ADARB2: variants seen among roughly 807,000 people sequenced by gnomAD.
The protein encoded by ADARB2 is inactive double-stranded RNA-specific editase B2.
In ADARB2, 25 loss-of-function variants were observed where a neutral mutation model predicts 62.2. That is an observed-to-expected ratio of 0.40 (90% CI 0.29 to 0.56). ADARB2 has a LOEUF of 0.56. Ranked by LOEUF, ADARB2 falls within the 20% of genes least tolerant of loss-of-function variation. The probability of loss-of-function intolerance (pLI) is 0.43; values close to 1 mark genes in which losing one functional copy is unlikely to be tolerated. For missense variants in ADARB2, 1,071 were observed against 1,077.4 expected, an observed-to-expected ratio of 0.99 and a Z score of 0.08; for synonymous variants, 572 against 500.8, an observed-to-expected ratio of 1.14 and a Z score of -1.90.
chr10:1,327,864 GCC>G (rs1831888292), intron 3 of ADARB2, among the ~76,000 whole-genome samples: 1 of 83,438 alleles, frequency 1.2e-5, no homozygotes, highest in African/African-American at 5.7e-5. Flanking sequence ...ACAGCTCAGC[GCC>G]TCCTCACAGC....
chr10:1,552,131 G>A (rs1299874876), intron 1 of ADARB2, among the ~76,000 whole-genome samples: 2 of 152,186 alleles, frequency 1.3e-5, no homozygotes, highest in Non-Finnish European at 2.9e-5. Flanking sequence ...GGGGTTAAAG[G>A]CTGCTCCTGG....
intron 3 of ADARB2, among the ~76,000 whole-genome samples, chr10:1,347,642 C>T (rs926191456): frequency 3.9e-5 from 6 of 152,160 alleles, no homozygotes; most frequent in African/African-American, 4.8e-5. Flanking sequence ...TCACGCCCAT[C>T]GGCTACGAGA....
At chr10:1,403,002 C>T (rs1013771916) in intron 1 of ADARB2, among the ~76,000 whole-genome samples, 3 of 152,076 alleles carry the variant, frequency 2.0e-5, no homozygotes, top group Admixed American at 2.0e-4. Flanking sequence ...CAGCTCAGGG[C>T]GGCGGAAGTC....
In ADARB2 at chr10:1,190,119, CTGAGAAATTGCA is replaced by C. The variant is rs1402135764; in HGVS notation, c.1865-5092_1865-5081del. Reference sequence around the variant, plus strand: ...GAGCTCCAAGGAGAAATGCGTCCTCCTGAGAAATTGCACGCAGGAGTCTGAACTCAGAAAACA... The same window carrying C: ...GAGCTCCAAGGAGAAATGCGTCCTCCCGCAGGAGTCTGAACTCAGAAAACA... On this transcript the variant is annotated intron_variant, in intron 8 of 9. Coordinates refer to ENST00000381312, the MANE Select transcript of ADARB2 (RefSeq NM_018702.4). Among the ~76,000 whole-genome samples, 299 of 152,180 alleles carry C rather than the reference CTGAGAAATTGCA, an allele frequency of 2.0e-3. 2 individuals are homozygous for C. Among genetic ancestry groups the C allele is most frequent in the African/African-American group, 6.5e-3 (269 of 41,418 alleles).
At chr10:1,519,999 C>T (rs371447064) in intron 1 of ADARB2, among the ~76,000 whole-genome samples, 28 of 152,216 alleles carry the variant, frequency 1.8e-4, no homozygotes, top group African/African-American at 6.8e-4. Context: ...CCCTTGCTGT[C>T]CCTACCTGGG....
intron 3 of ADARB2, among the ~76,000 whole-genome samples, chr10:1,358,192 C>T (rs1832215268): frequency 6.6e-6 from 1 of 152,210 alleles, no homozygotes; most frequent in South Asian, 2.1e-4. Context: ...GATTTTTCTG[C>T]AAGGATTCAG....
intron 4 of ADARB2, 106 bp downstream of exon 4, chr10:1,270,849 C>A: frequency 1.1e-6 from 1 of 944,880 alleles, no homozygotes; most frequent in Non-Finnish European, 1.6e-6. Flanking sequence ...TTCTTTGTCA[C>A]AGCCTGTTGT....
At chr10:1,261,410 A>C (rs1052268092) in intron 4 of ADARB2, among the ~76,000 whole-genome samples, 1 of 148,524 alleles carries the variant, frequency 6.7e-6, no homozygotes, top group Non-Finnish European at 1.5e-5. Flanking sequence ...CTCATCTGAC[A>C]AAGGGCTAAT....
chr10:1,425,773 A>C (rs767887332), intron 1 of ADARB2, among the ~76,000 whole-genome samples: 2 of 152,216 alleles, frequency 1.3e-5, no homozygotes, highest in Non-Finnish European at 2.9e-5. Context: ...CCTGAACTGC[A>C]TGATGGAGAT....
intron 1 of ADARB2, among the ~76,000 whole-genome samples, chr10:1,631,369 G>T (rs1359692852): frequency 6.6e-6 from 1 of 152,096 alleles, no homozygotes; most frequent in Admixed American, 6.5e-5. Context: ...CCTGACAAAG[G>T]CTGCCTCGGG....
chr10:1,648,183 A>T (rs1238976892), intron 1 of ADARB2, among the ~76,000 whole-genome samples: 1 of 152,222 alleles, frequency 6.6e-6, no homozygotes, highest in African/African-American at 2.4e-5. Context: ...GAACTTCTGC[A>T]GGTGATTACA....
intron 1 of ADARB2, among the ~76,000 whole-genome samples, chr10:1,530,402 C>T (rs373569540): frequency 1.3e-5 from 2 of 152,206 alleles, no homozygotes; most frequent in South Asian, 2.1e-4. Context: ...ACCCAGCACC[C>T]GGGCCACAGT....
In ADARB2 at chr10:1,737,492, C is replaced by A. The variant is rs1322633040; in HGVS notation, c.-342G>T. On this transcript the variant is annotated 5_prime_UTR_variant, in exon 1 of 10. Coordinates refer to ENST00000381312, the MANE Select transcript of ADARB2 (RefSeq NM_018702.4). The stretch of plus-strand genomic sequence containing the variant: ...TCCCAGCGCAGGGAGGCTACTTTTG[C>A]GCCTCTGCTAGTTGTTTGGCACCAG... 6.7e-6 allele frequency: 2 copies of A among 297,428 alleles called. No homozygotes were observed. The highest frequency in any genetic ancestry group is 1.3e-5 in the Non-Finnish European group (2 of 157,994). 18.4% of individuals were successfully genotyped at this position (297,428 alleles called of 1,614,324 possible).
intron 4 of ADARB2, among the ~76,000 whole-genome samples, chr10:1,254,362 A>G (rs1015477410): frequency 2.6e-5 from 4 of 152,236 alleles, no homozygotes; most frequent in African/African-American, 9.6e-5. Flanking sequence ...TGATGGGTAG[A>G]AGCCTTGCTC....
At chr10:1,440,153 G>T (rs1830887105) in intron 1 of ADARB2, among the ~76,000 whole-genome samples, 1 of 151,968 alleles carries the variant, frequency 6.6e-6, no homozygotes. Context: ...GACAGAGGCA[G>T]GTCCTTCACT....
intron 1 of ADARB2, among the ~76,000 whole-genome samples, chr10:1,525,817 G>A (rs111917393): frequency 7.9e-5 from 12 of 152,222 alleles, no homozygotes; most frequent in African/African-American, 2.2e-4. Flanking sequence ...GAGCATGTAC[G>A]TGTGTGCGCA....
chr10:1,710,185 C>T (rs1257700921), intron 1 of ADARB2, among the ~76,000 whole-genome samples: 1 of 152,098 alleles, frequency 6.6e-6, no homozygotes, highest in Non-Finnish European at 1.5e-5. Context: ...TCTCACAGGC[C>T]AGCAGTAGCT....
chr10:1,329,190 C>T (rs910348239), intron 3 of ADARB2, among the ~76,000 whole-genome samples: 9 of 152,136 alleles, frequency 5.9e-5, no homozygotes, highest in Non-Finnish European at 1.0e-4. Context: ...CGACAGAGAG[C>T]ATCTCGGCAG....
intron 3 of ADARB2, among the ~76,000 whole-genome samples, chr10:1,335,789 C>T (rs1006954353): frequency 3.3e-5 from 5 of 152,124 alleles, no homozygotes; most frequent in South Asian, 2.1e-4. Flanking sequence ...GTGCACATCC[C>T]GATTACCTCA....
Sources: allele counts gnomAD v4.1 joint callset (sites outside exome capture counted in the v4.1 genomes callset), GRCh38; gene constraint gnomAD v4.1.1; transcripts MANE v1.5; gene names NCBI Gene and HGNC (gene_info 2026-07-23, HGNC 2026-07-21).